XKR9: variants seen among roughly 807,000 people sequenced by gnomAD.
The protein encoded by XKR9 is XK-related protein 9.
XKR9 carries 32 observed loss-of-function variants against 32.0 expected under a neutral mutation model. The observed-to-expected ratio is 1.00, with a 90% CI of 0.76 to 1.34. The LOEUF (loss-of-function observed/expected upper bound fraction) is 1.34, where lower values mean the gene tolerates loss of function less well. XKR9 is among the 40% of genes most tolerant of loss of function. XKR9 has a pLI of 0.00. For synonymous variants in XKR9, 168 were observed against 143.4 expected, an observed-to-expected ratio of 1.17 and a Z score of -1.22; for missense variants, 546 against 429.7, an observed-to-expected ratio of 1.27 and a Z score of -2.39.
At chr8:70,675,997 T>C (rs898389610) in intron 2 of XKR9, among the ~76,000 whole-genome samples, 2 of 152,222 alleles carry the variant, frequency 1.3e-5, no homozygotes, top group Admixed American at 6.5e-5. Flanking sequence ...CTTGCATTGC[T>C]ATAAAGAAAT....
chr8:71,024,451 A>G, the XKR9 span, among the ~76,000 whole-genome samples: 1 of 152,042 alleles, frequency 6.6e-6, no homozygotes, highest in African/African-American at 2.4e-5. Flanking sequence ...GGCTTCAAGG[A>G]TATGGAGATG....
chr8:70,981,713 T>A, the XKR9 span, among the ~76,000 whole-genome samples: 2 of 152,144 alleles, frequency 1.3e-5, no homozygotes, highest in Admixed American at 1.3e-4. Flanking sequence ...GTGTTAAAAA[T>A]TTTGTTTTGT....
the XKR9 span, among the ~76,000 whole-genome samples, chr8:70,879,191 C>T: frequency 6.6e-6 from 1 of 151,802 alleles, no homozygotes; most frequent in African/African-American, 2.4e-5. Flanking sequence ...CTAAATACTC[C>T]CAAGAGAAAG....
At chr8:70,827,467 T>C in the XKR9 span, among the ~76,000 whole-genome samples, 1 of 152,154 alleles carries the variant, frequency 6.6e-6, no homozygotes. Context: ...GTGTAGGCAT[T>C]TTACATATGG....
At chr8:70,779,280 C>G (rs559572301) in intron 2 of XKR9, among the ~76,000 whole-genome samples, 36 of 152,284 alleles carry the variant, frequency 2.4e-4, no homozygotes, top group African/African-American at 8.7e-4. Context: ...TTGAACCAGC[C>G]TTGCATATCA....
the XKR9 span, among the ~76,000 whole-genome samples, chr8:70,852,029 G>C: frequency 6.6e-6 from 1 of 152,096 alleles, no homozygotes; most frequent in South Asian, 2.1e-4. Flanking sequence ...TTTGCAATCT[G>C]TCTATCTGAC....
the XKR9 span, among the ~76,000 whole-genome samples, chr8:70,918,684 C>T: frequency 1.3e-5 from 2 of 150,974 alleles, no homozygotes; most frequent in African/African-American, 4.9e-5. Flanking sequence ...CAGAGCAAGA[C>T]TCTGTCTCAG....
At chr8:71,033,902 C>G in the XKR9 span, among the ~76,000 whole-genome samples, 15 of 152,286 alleles carry the variant, frequency 9.8e-5, no homozygotes, top group Non-Finnish European at 1.9e-4. Context: ...TATGTTATAG[C>G]AGCACAAAAC....
At chr8:70,844,543 G>A in the XKR9 span, among the ~76,000 whole-genome samples, 1,532 of 152,302 alleles carry the variant, frequency 0.01, 24 homozygotes, top group African/African-American at 0.035. Flanking sequence ...CAAGAGCCTG[G>A]CATCACCTTG....
chr8:70,754,636 A>C (rs1266432048), intron 2 of XKR9, among the ~76,000 whole-genome samples: 1 of 151,580 alleles, frequency 6.6e-6, no homozygotes, highest in East Asian at 1.9e-4. Flanking sequence ...GATCTTTGAC[A>C]AACCTGACAA....
the XKR9 span, among the ~76,000 whole-genome samples, chr8:71,001,420 C>T: frequency 1.3e-5 from 2 of 152,114 alleles, no homozygotes; most frequent in Admixed American, 6.5e-5. Context: ...CACCACCACA[C>T]GTGGTTAATT....
At chr8:70,933,939 T>A in the XKR9 span, among the ~76,000 whole-genome samples, 2 of 152,012 alleles carry the variant, frequency 1.3e-5, no homozygotes, top group African/African-American at 2.4e-5. Flanking sequence ...TTTATTATGA[T>A]AATATTATCC....
the XKR9 span, among the ~76,000 whole-genome samples, chr8:70,896,642 G>C: frequency 6.7e-6 from 1 of 149,940 alleles, no homozygotes; most frequent in Non-Finnish European, 1.5e-5. Flanking sequence ...TTTCTTCATT[G>C]TTTTGTTTAA....
At chr8:70,917,754 T>G in the XKR9 span, among the ~76,000 whole-genome samples, 1 of 152,240 alleles carries the variant, frequency 6.6e-6, no homozygotes, top group Non-Finnish European at 1.5e-5. Flanking sequence ...CCAGATTACC[T>G]GGGTTCAAAT....
At chr8:70,699,161 T>C (rs549837494) in intron 3 of XKR9, among the ~76,000 whole-genome samples, 2 of 152,346 alleles carry the variant, frequency 1.3e-5, no homozygotes, top group South Asian at 4.1e-4. Context: ...GTCTTTTAAC[T>C]GGAGCATTTA....
At chr8:70,716,353 G>A (rs1323233603) in intron 4 of XKR9, among the ~76,000 whole-genome samples, 3 of 152,068 alleles carry the variant, frequency 2.0e-5, no homozygotes. Context: ...CCATTCTCAT[G>A]CTGCTATGAA....
chr8:70,977,815 G>T, the XKR9 span, among the ~76,000 whole-genome samples: 1 of 152,292 alleles, frequency 6.6e-6, no homozygotes, highest in Non-Finnish European at 1.5e-5. Context: ...TCATTGATCT[G>T]TCTAATATTG....
At chr8:70,720,492 A>G (rs183445319) in intron 4 of XKR9, among the ~76,000 whole-genome samples, 1 of 152,118 alleles carries the variant, frequency 6.6e-6, no homozygotes, top group Non-Finnish European at 1.5e-5. Context: ...TAGTTTATTG[A>G]GTGTTTTTAG....
chr8:70,747,279 G>A (rs1807071934), intron 2 of XKR9, among the ~76,000 whole-genome samples: 1 of 152,178 alleles, frequency 6.6e-6, no homozygotes, highest in African/African-American at 2.4e-5. Context: ...ACCCAGTAAT[G>A]GTATTGCTGG....
Sources: gnomAD v4.1 joint callset for allele counts (sites outside exome capture counted in the v4.1 genomes callset) on GRCh38, gnomAD v4.1.1 for gene constraint, MANE v1.5 for transcripts, NCBI Gene and HGNC (gene_info 2026-07-23, HGNC 2026-07-21) for gene names.